ADD2: variants seen among roughly 807,000 people sequenced by gnomAD.
The protein encoded by ADD2 is beta-adducin.
A neutral mutation model predicts 83.0 loss-of-function variants in ADD2; 23 were observed. That is an observed-to-expected ratio of 0.28 (90% confidence interval 0.20 to 0.39). ADD2 has a LOEUF of 0.39. Ranked by LOEUF, ADD2 falls within the 10% of genes least tolerant of loss-of-function variation. ADD2 has a pLI of 1.00. For synonymous variants in ADD2, 375 were observed against 375.4 expected, an observed-to-expected ratio of 1.00 and a Z score of 0.01; for missense variants, 758 against 944.9, an observed-to-expected ratio of 0.80 and a Z score of 2.59.
rs1207947606 is a variant in ADD2 at position 70,657,335 on chromosome 2, A to G, written c.*6090T>C. 1 of 152,244 alleles carries G rather than the reference A, an allele frequency of 6.6e-6. No individual in the cohort carries two copies. The highest frequency in any genetic ancestry group is 1.5e-5 in the Non-Finnish European group (1 of 68,056). The allele number at this position is 152,244 out of a possible 1,614,324, so 9.4% of individuals were successfully genotyped here. On this transcript the variant is annotated 3_prime_UTR_variant, in exon 16 of 16. Coordinates refer to ENST00000264436, the MANE Select transcript of ADD2 (RefSeq NM_001617.4). ...CATCCATAGCTTTAGAGAACACTGC[A>G]TTCTATCTAGACTGGGTTCCTGCTT...
At position 70,692,404 on chromosome 2, in the gene ADD2, G is replaced by A. The variant is rs1671088989; in HGVS notation, c.704C>T (p.Ala235Val). The A allele has an allele frequency of 1.3e-6, 2 of 1,559,022 alleles. No individual in the cohort carries two copies. Among genetic ancestry groups the A allele is most frequent in the Non-Finnish European group, 1.7e-6 (2 of 1,151,644 alleles). The change falls in exon 7 of 16, where the codon GCG becomes GTG. Residue 235 changes from alanine (A) to valine (V), a missense_variant and splice_region_variant. Physicochemically the swap from Ala to Val is moderately conservative, Grantham distance 64. This residue lies in a region of ADD2 where 394 missense variants were observed against 509.3 expected (regional missense o/e 0.77). Coordinates refer to ENST00000264436, the MANE Select transcript of ADD2 (RefSeq NM_001617.4). ...GTGGCTGAGAAGGAGTCCACTCACC[G>A]CTGCTGTGGCCGGTGTGTGCAGGTG... ...IIHLHTPATA[A>V]VSAMKWGLLP...
chr2:70,679,286 T>C (rs1029777213), intron 10 of ADD2, among the ~76,000 whole-genome samples: 3 of 152,186 alleles, frequency 2.0e-5, no homozygotes, highest in Admixed American at 6.5e-5. Flanking sequence ...CTCCCAGCCC[T>C]GGCTGTACAC....
chr2:70,726,208 A>AAAAAT (rs2104452909), intron 1 of ADD2, among the ~76,000 whole-genome samples: 1 of 150,308 alleles, frequency 6.7e-6, no homozygotes, highest in African/African-American at 2.5e-5. Flanking sequence ...AAAAAAAAAA[A>AAAAAT]AAAAGAATGT....
In ADD2 at chr2:70,676,593, CA is replaced by C; in HGVS notation, c.1593+202del. ...CTGCTGTTCTCCAGCCCAGTGCCCA[CA>C]GGGGCCATCAGACATTGTCCTCCCT... On this transcript the variant is annotated intron_variant, in intron 13 of 15. Coordinates refer to ENST00000264436, the MANE Select transcript of ADD2 (RefSeq NM_001617.4). The surrounding 1 kb of genome is among the most constrained non-coding windows in gnomAD (Gnocchi z 4.8). 6 of 1,434,458 alleles carry C rather than the reference CA, an allele frequency of 4.2e-6. No individual in the cohort carries two copies. Among genetic ancestry groups the C allele is most frequent in the Non-Finnish European group, 5.5e-6 (6 of 1,089,094 alleles). 88.9% of individuals were successfully genotyped at this position (1,434,458 alleles called of 1,614,324 possible). A position where few individuals can be genotyped will look rare whatever the true frequency, so the allele number is the denominator to read the frequency against.
At chr2:70,719,983 A>G (rs1399254592) in intron 1 of ADD2, among the ~76,000 whole-genome samples, 2 of 152,092 alleles carry the variant, frequency 1.3e-5, no homozygotes, top group African/African-American at 2.4e-5. Context: ...GGAAACAGCT[A>G]TTGGGTATGT....
In ADD2 at chr2:70,663,254, T is replaced by C. The variant is rs1675606366; in HGVS notation, c.*171A>G. 13 of 742,796 alleles carry C rather than the reference T, an allele frequency of 1.8e-5. No homozygotes were observed. Among genetic ancestry groups the C allele is most frequent in the Non-Finnish European group, 2.4e-5 (11 of 463,634 alleles). The allele number at this position is 742,796 out of a possible 1,614,324, so 46.0% of individuals were successfully genotyped here. ...CCTTGGGCAAGTCACCTGATTTCTC[T>C]TGGGCAACTGTAAAACGAAGGGTTG... On this transcript the variant is annotated 3_prime_UTR_variant, in exon 16 of 16. Coordinates refer to ENST00000264436, the MANE Select transcript of ADD2 (RefSeq NM_001617.4).
In ADD2 at chr2:70,706,300, G is replaced by A. The variant is rs1553374416; in HGVS notation, c.109C>T (p.Arg37Trp). Residue 37 changes from arginine (R) to tryptophan (W), a missense_variant, in exon 3 of 16, where the codon CGG becomes TGG. Coordinates refer to ENST00000264436, the MANE Select transcript of ADD2 (RefSeq NM_001617.4). This position sits in a 1 kb window ranked among gnomAD's most constrained non-coding sequence, Gnocchi z 5.0. The stretch of plus-strand genomic sequence containing the variant: ...AAGTCCTGCCGCAGGTCCGCCGCCC[G>A]GTTGCGAAGGCGCATGTACTCGGGG... Reference protein sequence around the residue: ...DDPEYMRLRNRAADLRQDFNL... With the variant: ...DDPEYMRLRNWAADLRQDFNL... 4 of 1,614,122 alleles carry A rather than the reference G, an allele frequency of 2.5e-6. No homozygotes were observed. The highest frequency in any genetic ancestry group is 2.2e-5 in the South Asian group (2 of 91,086).
chr2:70,747,262 G>C (rs955735672), intron 1 of ADD2, among the ~76,000 whole-genome samples: 1 of 152,084 alleles, frequency 6.6e-6, no homozygotes, highest in African/African-American at 2.4e-5. Context: ...CACCTGTCTC[G>C]GCCTCCCAAA....
intron 4 of ADD2, among the ~76,000 whole-genome samples, chr2:70,700,007 T>C (rs1360982033): frequency 6.6e-6 from 1 of 152,216 alleles, no homozygotes; most frequent in Non-Finnish European, 1.5e-5. Context: ...GCTATAACTA[T>C]CAGTCATGCT....
In ADD2 at chr2:70,749,224, C is replaced by G. The variant is rs1455681173; in HGVS notation, c.-154+18662G>C. On this transcript the variant is annotated intron_variant, in intron 1 of 15. Transcript: ENST00000264436. Reference sequence around the variant, plus strand: ...GATCTCATGAGAACTCACTCACTATCAGGAGAACAGCATGGGGGAAACCAC... The same window carrying G: ...GATCTCATGAGAACTCACTCACTATGAGGAGAACAGCATGGGGGAAACCAC... Among the ~76,000 whole-genome samples, 5 of 152,246 alleles carry G rather than the reference C, an allele frequency of 3.3e-5. No homozygotes were observed. The East Asian group carries it at 9.7e-4, about 29-fold the overall frequency.
chr2:70,677,328 A>T (rs1219400263), intron 12 of ADD2, among the ~76,000 whole-genome samples: 3 of 152,134 alleles, frequency 2.0e-5, no homozygotes, highest in African/African-American at 7.2e-5. Flanking sequence ...ACACTGCCAC[A>T]CTATCCTGTG....
intron 7 of ADD2, 105 bp downstream of exon 7, chr2:70,692,298 T>C (rs982248134): frequency 2.3e-6 from 3 of 1,315,160 alleles, no homozygotes; most frequent in Middle Eastern, 1.9e-4. Flanking sequence ...TCGCTTCACC[T>C]TGGCCTGAGT....
chr2:70,731,994 C>T (rs138689439), intron 1 of ADD2, among the ~76,000 whole-genome samples: 1 of 152,158 alleles, frequency 6.6e-6, no homozygotes, highest in East Asian at 1.9e-4. Flanking sequence ...TTTTGAAGCA[C>T]CACAAGCAAA....
At chr2:70,692,251 G>T in intron 7 of ADD2, 152 bp downstream of exon 7, 1 of 831,504 alleles carries the variant, frequency 1.2e-6, no homozygotes, top group Non-Finnish European at 1.7e-6. Flanking sequence ...TAGTCAGAAA[G>T]ATGGAGAGGC....
intron 1 of ADD2, among the ~76,000 whole-genome samples, chr2:70,752,600 A>AT (rs1213237734): frequency 1.3e-5 from 2 of 152,228 alleles, no homozygotes; most frequent in Admixed American, 6.5e-5. Context: ...TGAAGGAAAG[A>AT]GAAACCAAGG....
intron 1 of ADD2, among the ~76,000 whole-genome samples, chr2:70,750,067 G>A (rs1048960270): frequency 1.3e-5 from 2 of 151,856 alleles, no homozygotes; most frequent in South Asian, 4.2e-4. Context: ...CATATCGTAG[G>A]TGCCTGATGA....
intron 8 of ADD2, 58 bp from the exon 9 acceptor site, chr2:70,688,180 G>T: frequency 6.9e-7 from 1 of 1,444,370 alleles, no homozygotes; most frequent in South Asian, 1.2e-5. Context: ...TAGTTAAGAG[G>T]GAGAGGTTTT....
chr2:70,725,956 G>C (rs567320853), intron 1 of ADD2, among the ~76,000 whole-genome samples: 1 of 152,102 alleles, frequency 6.6e-6, no homozygotes, highest in African/African-American at 2.4e-5. Flanking sequence ...GGGAGGCCAA[G>C]GCGGGCGGAT....
chr2:70,716,235 C>T (rs1672460497), intron 1 of ADD2, among the ~76,000 whole-genome samples: 1 of 152,130 alleles, frequency 6.6e-6, no homozygotes, highest in Non-Finnish European at 1.5e-5. Flanking sequence ...CTGCCAGCCC[C>T]TTCTCCTTGA....
Sources: allele counts gnomAD v4.1 joint callset (sites outside exome capture counted in the v4.1 genomes callset), GRCh38; gene constraint gnomAD v4.1.1; regional missense constraint gnomAD v4.1.1; non-coding constraint Gnocchi (gnomAD v3.1); transcripts MANE v1.5; gene names NCBI Gene and HGNC (gene_info 2026-07-23, HGNC 2026-07-21).